Variants in NR3C1 observed in about 807,000 individuals in gnomAD.
The protein encoded by NR3C1 is nuclear receptor subfamily 3 group C member 1.
A neutral mutation model predicts 74.0 loss-of-function variants in NR3C1; 14 were observed. That is an observed-to-expected ratio of 0.19 (90% CI 0.12 to 0.30). The LOEUF (loss-of-function observed/expected upper bound fraction) is 0.30, where lower values mean the gene tolerates loss of function less well. Among genes scored for constraint, NR3C1 ranks in the 10% least tolerant of loss-of-function variants. NR3C1 has a pLI of 1.00. For missense variants in NR3C1, 695 were observed against 909.8 expected (o/e 0.76, Z 3.04); for synonymous variants, 308 against 332.5 (o/e 0.93, Z 0.80).
At chr5:143,410,442 A>G (rs1169200442) in intron 1 of NR3C1, among the ~76,000 whole-genome samples, 1 of 152,192 alleles carries the variant, frequency 6.6e-6, no homozygotes, top group African/African-American at 2.4e-5. Context: ...AAAGTGCTAC[A>G]AAGGACATTT....
Position 143,397,346 on chromosome 5 carries a change from T to C in NR3C1, c.1184+2310A>G, listed in dbSNP as rs190318325. On this transcript the variant is annotated intron_variant, in intron 2 of 8. Transcript: ENST00000394464. ...GTTGTGGTCTCAATGTGTTGATTAT[T>C]TGCTGATCACTCAGGGTCACTGGTC... is the stretch of plus-strand genomic sequence containing the variant. Among the ~76,000 whole-genome samples the C allele has an allele frequency of 1.3e-3, 192 of 152,010 alleles. 1 individual carries two copies. The highest frequency in any genetic ancestry group is 2.7e-3 in the South Asian group (13 of 4,832).
intron 2 of NR3C1, among the ~76,000 whole-genome samples, chr5:143,328,731 C>T (rs1004344946): frequency 3.3e-5 from 5 of 152,180 alleles, no homozygotes; most frequent in African/African-American, 1.2e-4. Flanking sequence ...CAAAGTTCAT[C>T]AGTTCTCTAG....
chr5:143,283,104 G>A (rs1813503359), intron 7 of NR3C1, among the ~76,000 whole-genome samples: 1 of 152,116 alleles, frequency 6.6e-6, no homozygotes, highest in Non-Finnish European at 1.5e-5. Flanking sequence ...AAACTCCTGG[G>A]CTCAAGCAAT....
At position 143,282,277 on chromosome 5, in the gene NR3C1, G is replaced by C. The variant is rs9324911; in HGVS notation, c.2182-236C>G. 4.3e-3 allele frequency among the ~76,000 whole-genome samples: 656 copies of C among 152,150 alleles called. 2 individuals carry two copies. Among genetic ancestry groups the C allele is most frequent in the African/African-American group, 0.015 (629 of 41,490 alleles). ...ACTGTAGTACCATAATATATGAAGG[G>C]TGCATTATTCTAATTTAATGGATTA... is the stretch of plus-strand genomic sequence containing the variant. On this transcript the variant is annotated intron_variant, in intron 8 of 8. Coordinates refer to ENST00000394464, the MANE Select transcript of NR3C1 (RefSeq NM_000176.3).
chr5:143,429,519 C>T (rs1378597894), intron 1 of NR3C1, among the ~76,000 whole-genome samples: 2 of 152,138 alleles, frequency 1.3e-5, no homozygotes, highest in African/African-American at 4.8e-5. Flanking sequence ...TGGATTCTCC[C>T]GCTCACAAAC....
At chr5:143,357,052 A>C (rs1215833222) in intron 2 of NR3C1, among the ~76,000 whole-genome samples, 1 of 152,216 alleles carries the variant, frequency 6.6e-6, no homozygotes, top group Non-Finnish European at 1.5e-5. Context: ...TTTCGAAATA[A>C]TGCTGAGGCA....
At chr5:143,367,792 A>G (rs534051898) in intron 2 of NR3C1, among the ~76,000 whole-genome samples, 1 of 152,354 alleles carries the variant, frequency 6.6e-6, no homozygotes, top group East Asian at 1.9e-4. Flanking sequence ...TGGAAGACCT[A>G]CTAATTGTTA....
intron 7 of NR3C1, among the ~76,000 whole-genome samples, chr5:143,292,899 A>C (rs1816270727): frequency 6.6e-6 from 1 of 152,194 alleles, no homozygotes; most frequent in South Asian, 2.1e-4. Context: ...CCATTCTCTG[A>C]GGGATCTAAG....
intron 2 of NR3C1, among the ~76,000 whole-genome samples, chr5:143,396,566 A>G (rs1350822675): frequency 1.3e-5 from 2 of 151,832 alleles, no homozygotes; most frequent in Non-Finnish European, 3.0e-5. Context: ...AATTTGCTTC[A>G]TTCATTCTGT....
chr5:143,333,005 C>T lies in NR3C1; in HGVS notation c.1185-18837G>A, dbSNP rs1232216736. Reference sequence around the variant, plus strand: ...AGAATAAGACCATCCCTCTGACAGACAACACAGTGATTGAGGAGCACCTGG... The same window carrying T: ...AGAATAAGACCATCCCTCTGACAGATAACACAGTGATTGAGGAGCACCTGG... On this transcript the variant is annotated intron_variant, in intron 2 of 8. Coordinates refer to ENST00000394464, the MANE Select transcript of NR3C1 (RefSeq NM_000176.3). The T allele has an allele frequency of 2.5e-6, 4 of 1,585,794 alleles. No homozygotes were observed. In the African/African-American group the frequency reaches 4.0e-5, roughly 16 times the overall value.
chr5:143,281,178 C>CTGAT lies in NR3C1; in HGVS notation c.*707_*710dup, dbSNP rs1178607966. 3 of 108,132 alleles carry CTGAT rather than the reference C, an allele frequency of 2.8e-5. No individual in the cohort carries two copies. Among genetic ancestry groups the CTGAT allele is most frequent in the Non-Finnish European group, 5.4e-5 (3 of 55,100 alleles). The allele number at this position is 108,132 out of a possible 1,614,324, so 6.7% of individuals were successfully genotyped here. A position where few individuals can be genotyped will look rare whatever the true frequency, so the allele number is the denominator to read the frequency against. On this transcript the variant is annotated 3_prime_UTR_variant, in exon 9 of 9. Coordinates refer to ENST00000394464, the MANE Select transcript of NR3C1 (RefSeq NM_000176.3). ...GATTTGAGTCAATTTTTGTGGTCTT[C>CTGAT]TGATAGCTAAGTGCCATCAGGTTAG...
intron 2 of NR3C1, among the ~76,000 whole-genome samples, chr5:143,340,659 T>C (rs1178648628): frequency 6.6e-6 from 1 of 151,764 alleles, no homozygotes; most frequent in Admixed American, 6.6e-5. Flanking sequence ...TTTTTTGTAT[T>C]TTTAGTAGAG....
At chr5:143,379,258 A>C (rs181819776) in intron 2 of NR3C1, among the ~76,000 whole-genome samples, 1 of 152,226 alleles carries the variant, frequency 6.6e-6, no homozygotes, top group Non-Finnish European at 1.5e-5. Flanking sequence ...CTTTGCATTT[A>C]CCTAGCCCTT....
At position 143,282,647 on chromosome 5, in the gene NR3C1, A is replaced by G. The variant is rs1274937680; in HGVS notation, c.2102T>C (p.Ile701Thr). ...GCTGGAGTTTCCTTCCCTCTTGACAATGGCTTTTCCTAGCTCTTTGATGTA... is the reference window on the plus strand; with the variant it reads ...GCTGGAGTTTCCTTCCCTCTTGACAGTGGCTTTTCCTAGCTCTTTGATGTA... ...MTYIKELGKAIVKREGNSSQN... is the reference protein window; with the variant it reads ...MTYIKELGKATVKREGNSSQN... Residue 701 changes from isoleucine (I) to threonine (T), a missense_variant, in exon 8 of 9, where the codon ATT becomes ACT. Physicochemically the swap from Ile to Thr is moderately conservative, Grantham distance 89. Transcript: ENST00000394464. The G allele has an allele frequency of 1.2e-6, 2 of 1,613,946 alleles. No homozygotes were observed. The highest frequency in any genetic ancestry group is 1.1e-5 in the South Asian group (1 of 91,082).
At chr5:143,384,881 G>T (rs1836898343) in intron 2 of NR3C1, among the ~76,000 whole-genome samples, 2 of 152,344 alleles carry the variant, frequency 1.3e-5, no homozygotes, top group Admixed American at 6.5e-5. Context: ...CCCCAGTGGG[G>T]TCTCTGTGTG....
intron 2 of NR3C1, among the ~76,000 whole-genome samples, chr5:143,328,006 G>A (rs528207560): frequency 2.6e-5 from 4 of 152,342 alleles, no homozygotes; most frequent in African/African-American, 7.2e-5. Context: ...TTTCCCTTCC[G>A]CATTGCCCTA....
At chr5:143,313,080 C>A (rs1821320936) in intron 3 of NR3C1, among the ~76,000 whole-genome samples, 1 of 152,150 alleles carries the variant, frequency 6.6e-6, no homozygotes, top group Non-Finnish European at 1.5e-5. Context: ...TAATAATAAT[C>A]CTCATACAGT....
chr5:143,354,909 CAA>C (rs1830856203), intron 2 of NR3C1, among the ~76,000 whole-genome samples: 2 of 99,796 alleles, frequency 2.0e-5, no homozygotes, highest in African/African-American at 4.0e-5. Flanking sequence ...GGTGACAGAG[CAA>C]AAGTCCGTCT....
chr5:143,434,640 G>C, exon 1 of NR3C1: 1 of 985,426 alleles, frequency 1.0e-6, no homozygotes. Context: ...CCCGAGGAGG[G>C]TAGGAGCTGC....
Sources: allele counts gnomAD v4.1 joint callset (sites outside exome capture counted in the v4.1 genomes callset), GRCh38; gene constraint gnomAD v4.1.1; transcripts MANE v1.5; gene names NCBI Gene and HGNC (gene_info 2026-07-23, HGNC 2026-07-21).